PKIB: variants seen among roughly 807,000 people sequenced by gnomAD.
PKIB encodes cAMP-dependent protein kinase inhibitor beta.
In PKIB, 2 loss-of-function variants were observed where a neutral mutation model predicts 4.5. The ratio of observed to expected loss-of-function variants is 0.44; its 90% CI spans 0.18 to 1.39. The LOEUF is 1.39. Ranked by LOEUF, PKIB falls within the 40% of genes most tolerant of loss-of-function variation. PKIB has a pLI of 0.27. For synonymous variants in PKIB, 38 were observed against 36.0 expected, an observed-to-expected ratio of 1.06 and a Z score of -0.20; for missense variants, 94 against 92.6, an observed-to-expected ratio of 1.02 and a Z score of -0.06.
intron 1 of PKIB, among the ~76,000 whole-genome samples, chr6:122,631,207 A>G (rs1020335123): frequency 6.6e-6 from 1 of 152,190 alleles, no homozygotes; most frequent in East Asian, 1.9e-4. Context: ...ATGTCTGGAG[A>G]TATTAGCAGA....
intron 2 of PKIB, among the ~76,000 whole-genome samples, chr6:122,668,580 G>A (rs1186667321): frequency 6.6e-6 from 1 of 152,198 alleles, no homozygotes; most frequent in Non-Finnish European, 1.5e-5. Context: ...ATATGAAGTG[G>A]ACAGTGGAAT....
chr6:122,701,274 C>T lies in PKIB; in HGVS notation c.-8-16513C>T, dbSNP rs560924933. On this transcript the variant is annotated intron_variant, in intron 3 of 4. Transcript: ENST00000368452. ...ACCTCACACAGGGCTGCCTCTGCGC[C>T]TGTTCCATAGGTGTACCATTACAAG... 1.8e-5 allele frequency: 10 copies of T among 568,090 alleles called. No homozygotes were observed. In the East Asian group the frequency reaches 3.0e-4, roughly 17 times the overall value. The allele number at this position is 568,090 out of a possible 1,614,324, so 35.2% of individuals were successfully genotyped here. A position where few individuals can be genotyped will look rare whatever the true frequency, so the allele number is the denominator to read the frequency against.
upstream of PKIB, among the ~76,000 whole-genome samples, chr6:122,608,211 C>T (rs956117306): frequency 1.3e-5 from 2 of 152,198 alleles, no homozygotes; most frequent in Admixed American, 6.5e-5. Flanking sequence ...CTTCTCCCCT[C>T]TTTGTCCTCA....
At chr6:122,671,393 G>C (rs113479272) in intron 2 of PKIB, among the ~76,000 whole-genome samples, 1 of 27,472 alleles carries the variant, frequency 3.6e-5, no homozygotes, top group African/African-American at 7.2e-5. Flanking sequence ...GTCTTATCTC[G>C]TGTTACAGTT....
intron 1 of PKIB, among the ~76,000 whole-genome samples, chr6:122,615,604 AT>A (rs1264383489): frequency 6.6e-6 from 1 of 152,168 alleles, no homozygotes; most frequent in Admixed American, 6.5e-5. Flanking sequence ...ATATGACCTT[AT>A]TTGGAAATAG....
chr6:122,560,274 C>CTT (rs376978096), intron 2 of PKIB, among the ~76,000 whole-genome samples: 2 of 146,050 alleles, frequency 1.4e-5, no homozygotes, highest in Admixed American at 1.4e-4. Flanking sequence ...TTGTTGAATG[C>CTT]TTTTTTTTTT....
chr6:122,596,690 C>G (rs1774188547), intron 3 of PKIB, among the ~76,000 whole-genome samples: 1 of 152,160 alleles, frequency 6.6e-6, no homozygotes, highest in South Asian at 2.1e-4. Context: ...GGCCTTGCTC[C>G]AAAATCCTGG....
At chr6:122,632,615 G>A (rs1775746488) in intron 1 of PKIB, among the ~76,000 whole-genome samples, 1 of 152,122 alleles carries the variant, frequency 6.6e-6, no homozygotes, top group Non-Finnish European at 1.5e-5. Context: ...AAATATGCAA[G>A]TTGATTGGCT....
intron 2 of PKIB, among the ~76,000 whole-genome samples, chr6:122,576,916 T>A (rs538994213): frequency 1.1e-4 from 17 of 151,822 alleles, no homozygotes; most frequent in African/African-American, 3.9e-4. Flanking sequence ...GAAATAAATA[T>A]GACATTTTAA....
chr6:122,511,703 G>A (rs549788463), intron 2 of PKIB, among the ~76,000 whole-genome samples: 2 of 152,304 alleles, frequency 1.3e-5, no homozygotes, highest in East Asian at 3.9e-4. Context: ...TATTTATTGA[G>A]TACAATCACT....
At chr6:122,483,041 C>A (rs904191244) in intron 2 of PKIB, 3 of 150,878 alleles carry the variant, frequency 2.0e-5, no homozygotes, top group Non-Finnish European at 4.5e-5. Context: ...ACTCAACCAG[C>A]CTGCTTGTCT....
chr6:122,613,284 T>G (rs1352185730), intron 1 of PKIB, among the ~76,000 whole-genome samples: 3 of 152,246 alleles, frequency 2.0e-5, no homozygotes, highest in African/African-American at 7.2e-5. Flanking sequence ...AACAAAATTA[T>G]TCTTTCCTCA....
intron 4 of PKIB, among the ~76,000 whole-genome samples, chr6:122,724,443 T>C (rs945309955): frequency 6.6e-6 from 1 of 152,210 alleles, no homozygotes; most frequent in East Asian, 1.9e-4. Flanking sequence ...TTTAATGTTC[T>C]ATTCTTGCTG....
intron 2 of PKIB, among the ~76,000 whole-genome samples, chr6:122,564,091 C>T (rs1382145192): frequency 6.6e-6 from 1 of 152,200 alleles, no homozygotes; most frequent in Non-Finnish European, 1.5e-5. Context: ...GAAACTTCTC[C>T]CGCAAACAGA....
At chr6:122,489,121 T>G (rs1228237933) in intron 2 of PKIB, among the ~76,000 whole-genome samples, 1 of 152,150 alleles carries the variant, frequency 6.6e-6, no homozygotes, top group Non-Finnish European at 1.5e-5. Context: ...TCCTAAAGTT[T>G]CTACTTGTGT....
intron 2 of PKIB, among the ~76,000 whole-genome samples, chr6:122,529,415 T>G (rs965866914): frequency 6.6e-6 from 1 of 152,234 alleles, no homozygotes; most frequent in African/African-American, 2.4e-5. Flanking sequence ...CTCACTAATA[T>G]GACTTTATAG....
intron 2 of PKIB, among the ~76,000 whole-genome samples, chr6:122,656,506 T>A (rs1479140467): frequency 6.6e-6 from 1 of 152,226 alleles, no homozygotes; most frequent in East Asian, 1.9e-4. Context: ...GCAAAGCTTT[T>A]TAGCCAAACT....
At chr6:122,592,615 T>A (rs1214657405) in intron 3 of PKIB, among the ~76,000 whole-genome samples, 1 of 152,228 alleles carries the variant, frequency 6.6e-6, no homozygotes, top group Non-Finnish European at 1.5e-5. Context: ...AAATTACATT[T>A]GTCATCACAG....
chr6:122,647,737 T>A (rs1257503324), intron 2 of PKIB, among the ~76,000 whole-genome samples: 1 of 152,172 alleles, frequency 6.6e-6, no homozygotes, highest in African/African-American at 2.4e-5. Flanking sequence ...TCTAACAAAA[T>A]AAGGGATGCT....
Sources: gnomAD v4.1 joint callset for allele counts (sites outside exome capture counted in the v4.1 genomes callset) on GRCh38, gnomAD v4.1.1 for gene constraint, MANE v1.5 for transcripts, NCBI Gene and HGNC (gene_info 2026-07-23, HGNC 2026-07-21) for gene names.